SNCG: variants seen among roughly 807,000 people sequenced by gnomAD.
The protein encoded by SNCG is synuclein gamma.
SNCG carries 13 observed loss-of-function variants against 16.0 expected under a neutral mutation model. The ratio of observed to expected loss-of-function variants is 0.81; its 90% CI spans 0.53 to 1.29. SNCG has a LOEUF of 1.29. Ranked by LOEUF, SNCG falls within the 50% of genes most tolerant of loss-of-function variation. SNCG has a pLI of 0.00. For synonymous variants in SNCG, 66 were observed against 66.3 expected, an observed-to-expected ratio of 1.00 and a Z score of 0.02; for missense variants, 154 against 168.5, an observed-to-expected ratio of 0.91 and a Z score of 0.48.
chr10:86,958,138 A>T, upstream of SNCG: 1 of 985,120 alleles, frequency 1.0e-6, no homozygotes, highest in Non-Finnish European at 1.2e-6. Context: ...GGCATCCAGG[A>T]TGCTGGTGGG....
rs1308560976 is a variant in SNCG at position 86,960,134 on chromosome 10, C to G, written c.291+6C>G. The stretch of plus-strand genomic sequence containing the variant: ...CCTCCGGGGTGGTGCGCAAGGTGAG[C>G]CCCGGCCCTCAGACCTGCCCAGTCC... On this transcript the variant is annotated splice_donor_region_variant and intron_variant, in intron 3 of 4. Transcript: ENST00000372017. 6.2e-7 allele frequency: 1 copy of G among 1,609,710 alleles called. No individual in the cohort carries two copies. Among genetic ancestry groups the G allele is most frequent in the Non-Finnish European group, 8.5e-7 (1 of 1,177,498 alleles).
chr10:86,962,458 A>G, intron 3 of SNCG, 146 bp from the exon 4 acceptor site: 2 of 579,006 alleles, frequency 3.5e-6, no homozygotes, highest in East Asian at 2.9e-5. Context: ...GCACGCCCCC[A>G]ATACCTCCAG....
upstream of SNCG, chr10:86,957,226 C>G: frequency 1.2e-6 from 1 of 803,730 alleles, no homozygotes; most frequent in Admixed American, 2.2e-5. Context: ...CCAGTCCAGA[C>G]TACTTTTTCA....
upstream of SNCG, chr10:86,958,416 A>C: frequency 1.0e-6 from 1 of 985,382 alleles, no homozygotes; most frequent in Non-Finnish European, 1.2e-6. Context: ...ACGGGGCAGG[A>C]GAGCTGGGCT....
upstream of SNCG, among the ~76,000 whole-genome samples, chr10:86,956,178 AT>A (rs1445066299): frequency 6.7e-6 from 1 of 149,488 alleles, no homozygotes; most frequent in Non-Finnish European, 1.5e-5. Flanking sequence ...ACCACCGAGA[AT>A]CACCTGCACC....
At chr10:86,956,501 G>A (rs1431296054), upstream of SNCG, among the ~76,000 whole-genome samples, 1 of 152,212 alleles carries the variant, frequency 6.6e-6, no homozygotes, top group African/African-American at 2.4e-5. Flanking sequence ...GTGGGGGCAG[G>A]AGGGTGGAGG....
upstream of SNCG, chr10:86,958,497 T>TGCCAAACCAA: frequency 9.1e-7 from 1 of 1,098,152 alleles, no homozygotes; most frequent in Non-Finnish European, 1.2e-6. Context: ...TGAACCTCCT[T>TGCCAAACCAA]CCCTCCCTCC....
In SNCG at chr10:86,959,551, T is replaced by G; in HGVS notation, c.122-82T>G. 1 of 1,280,172 alleles carries G rather than the reference T, an allele frequency of 7.8e-7. No individual in the cohort carries two copies. The highest frequency in any genetic ancestry group is 1.1e-6 in the Non-Finnish European group (1 of 880,614). The allele number at this position is 1,280,172 out of a possible 1,614,324, so 79.3% of individuals were successfully genotyped here. A position where few individuals can be genotyped will look rare whatever the true frequency, so the allele number is the denominator to read the frequency against. On this transcript the variant is annotated intron_variant, in intron 1 of 4. Coordinates refer to ENST00000372017, the MANE Select transcript of SNCG (RefSeq NM_003087.3). The surrounding 1 kb of genome is among the most constrained non-coding windows in gnomAD (Gnocchi z 4.3). ...ACCCCCCCACCGACCCCACAGTTTGTCCAGCTGTTCTGTTGTGTTTGTCCT... is the reference window on the plus strand; with the variant it reads ...ACCCCCCCACCGACCCCACAGTTTGGCCAGCTGTTCTGTTGTGTTTGTCCT...
intron 3 of SNCG, among the ~76,000 whole-genome samples, chr10:86,961,839 G>A (rs150631510): frequency 1.1e-3 from 168 of 151,306 alleles, no homozygotes; most frequent in Admixed American, 2.2e-3. Flanking sequence ...TGGCCCTGGG[G>A]CAACACAGAG....
chr10:86,962,289 C>T (rs1388293662), intron 3 of SNCG, among the ~76,000 whole-genome samples: 1 of 152,162 alleles, frequency 6.6e-6, no homozygotes, highest in African/African-American at 2.4e-5. Context: ...CACTCTAACC[C>T]CCACTCCACC....
At position 86,958,744 on chromosome 10, in the gene SNCG, T is replaced by C. The variant is rs1844281701; in HGVS notation, c.47T>C (p.Val16Ala). 1 of 1,613,612 alleles carries C rather than the reference T, an allele frequency of 6.2e-7. No individual in the cohort carries two copies. The highest frequency in any genetic ancestry group is 1.3e-5 in the African/African-American group (1 of 74,838). Residue 16 changes from valine (V) to alanine (A), a missense_variant, in exon 1 of 5, where the codon GTG (valine) becomes GCG (alanine). Physicochemically the swap from Val to Ala is moderately conservative, Grantham distance 64. Coordinates refer to ENST00000372017, the MANE Select transcript of SNCG (RefSeq NM_003087.3). The part of the protein sequence containing the change: ...KGFSIAKEGV[V>A]GAVEKTKQGV... ...TTCTCCATCGCCAAGGAGGGCGTGG[T>C]GGGTGCGGTGGAAAAGACCAAGCAG...
At chr10:86,956,459 T>G (rs1050953890), upstream of SNCG, among the ~76,000 whole-genome samples, 1 of 152,058 alleles carries the variant, frequency 6.6e-6, no homozygotes, top group Middle Eastern at 3.4e-3. Context: ...CCTAAATCCA[T>G]GTAGATGCCC....
Position 86,959,925 on chromosome 10 carries a change from G to C in SNCG, c.164-76G>C. On this transcript the variant is annotated intron_variant, in intron 2 of 4. Coordinates refer to ENST00000372017, the MANE Select transcript of SNCG (RefSeq NM_003087.3). This position sits in a 1 kb window ranked among gnomAD's most constrained non-coding sequence, Gnocchi z 4.3. ...GCCAGGGCTCTGAGCTCCTGGGAAG[G>C]GGCTGCGAGCCTGACTCCAGCAGGC... 6.5e-7 allele frequency: 1 copy of C among 1,544,554 alleles called. No homozygotes were observed. Among genetic ancestry groups the C allele is most frequent in the Non-Finnish European group, 8.7e-7 (1 of 1,143,400 alleles).
chr10:86,959,357 C>T lies in SNCG; in HGVS notation c.122-276C>T. 2 of 563,300 alleles carry T rather than the reference C, an allele frequency of 3.6e-6. No individual in the cohort carries two copies. Among genetic ancestry groups the T allele is most frequent in the Admixed American group, 3.4e-5 (1 of 29,768 alleles). The allele number at this position is 563,300 out of a possible 1,614,324, so 34.9% of individuals were successfully genotyped here. A position where few individuals can be genotyped will look rare whatever the true frequency, so the allele number is the denominator to read the frequency against. On this transcript the variant is annotated intron_variant, in intron 1 of 4. Transcript: ENST00000372017. This position sits in a 1 kb window ranked among gnomAD's most constrained non-coding sequence, Gnocchi z 4.3. The stretch of plus-strand genomic sequence containing the variant: ...TCCTGTTGCTGCTTCTGAGGCCCGG[C>T]CACACCCGGGCAGGGGCTGGACCCT...
chr10:86,957,896 G>C, upstream of SNCG: 5 of 1,091,324 alleles, frequency 4.6e-6, no homozygotes, highest in Non-Finnish European at 5.6e-6. Context: ...CACAGGAAGT[G>C]GTCAGGTCCA....
chr10:86,960,706 T>G (rs1844331859), intron 3 of SNCG, among the ~76,000 whole-genome samples: 1 of 152,198 alleles, frequency 6.6e-6, no homozygotes, highest in African/African-American at 2.4e-5. Context: ...TGAGAATGTG[T>G]GGGTGTACAT....
upstream of SNCG, among the ~76,000 whole-genome samples, chr10:86,956,229 G>T (rs1844225919): frequency 6.6e-6 from 1 of 150,692 alleles, no homozygotes; most frequent in South Asian, 2.1e-4. Context: ...CGGGAATGAG[G>T]TTTCTCCATG....
At chr10:86,957,913 G>A (rs1433718957), upstream of SNCG, 5 of 1,057,872 alleles carry the variant, frequency 4.7e-6, no homozygotes, top group Non-Finnish European at 5.7e-6. Context: ...TCCATCTCAG[G>A]GGACCTGCTG....
At chr10:86,962,725 C>A (rs777060144) in intron 4 of SNCG, 50 bp downstream of exon 4, 5 of 1,458,252 alleles carry the variant, frequency 3.4e-6, no homozygotes, top group South Asian at 2.4e-5. Flanking sequence ...TTGGTAGGGA[C>A]CCCATCCCCC....
Sources: gnomAD v4.1 joint callset for allele counts (sites outside exome capture counted in the v4.1 genomes callset) on GRCh38, gnomAD v4.1.1 for gene constraint, Gnocchi (gnomAD v3.1) non-coding constraint, MANE v1.5 for transcripts, NCBI Gene and HGNC (gene_info 2026-07-23, HGNC 2026-07-21) for gene names.